Variants in GALNT17 observed in about 807,000 individuals in gnomAD.
GALNT17 encodes polypeptide N-acetylgalactosaminyltransferase 17, also known as UDP-GalNAc:polypeptide N-acetylgalactosaminyltransferase-like 3.
A neutral mutation model predicts 63.7 loss-of-function variants in GALNT17; 29 were observed. The ratio of observed to expected loss-of-function variants is 0.46; its 90% confidence interval spans 0.34 to 0.62. The LOEUF (loss-of-function observed/expected upper bound fraction) is 0.62. Ranked by LOEUF, GALNT17 falls within the 20% of genes least tolerant of loss-of-function variation. The probability of loss-of-function intolerance (pLI) is 0.01; values close to 1 mark genes in which losing one functional copy is unlikely to be tolerated. For synonymous variants in GALNT17, 305 were observed against 318.3 expected (o/e 0.96, Z 0.45); for missense variants, 603 against 799.6 (o/e 0.75, Z 2.97).
chr7:71,518,591 C>T (rs1158199976), intron 5 of GALNT17, among the ~76,000 whole-genome samples: 1 of 152,176 alleles, frequency 6.6e-6, no homozygotes, highest in Non-Finnish European at 1.5e-5. Flanking sequence ...AGAATATCTC[C>T]TCACTTAGTG....
intron 1 of GALNT17, among the ~76,000 whole-genome samples, chr7:71,211,121 A>G (rs2116392172): frequency 6.6e-6 from 1 of 152,250 alleles, no homozygotes; most frequent in South Asian, 2.1e-4. Flanking sequence ...AGTTCTCTTT[A>G]CCTTGGTGAT....
At chr7:71,348,034 G>A (rs1792125680) in intron 2 of GALNT17, among the ~76,000 whole-genome samples, 1 of 152,148 alleles carries the variant, frequency 6.6e-6, no homozygotes, top group African/African-American at 2.4e-5. Context: ...GCCGAGGTGG[G>A]TGGATCTCTT....
intron 5 of GALNT17, among the ~76,000 whole-genome samples, chr7:71,559,793 G>A (rs1434711122): frequency 2.0e-5 from 3 of 152,042 alleles, no homozygotes; most frequent in East Asian, 3.9e-4. Context: ...CCGGGAGATC[G>A]AGGCTGCAGT....
chr7:71,571,156 G>T (rs1459448819), intron 5 of GALNT17, 129 bp from the exon 6 acceptor site: 1 of 694,090 alleles, frequency 1.4e-6, no homozygotes, highest in African/African-American at 1.8e-5. Flanking sequence ...TGCTAGGCTG[G>T]AACCCAGTAC....
chr7:71,658,311 A>C (rs1420381862), intron 6 of GALNT17, among the ~76,000 whole-genome samples: 4 of 152,202 alleles, frequency 2.6e-5, no homozygotes, highest in Non-Finnish European at 5.9e-5. Flanking sequence ...AAAATGATGA[A>C]AATCAATCCC....
chr7:71,174,113 G>A (rs1788593573), intron 1 of GALNT17, among the ~76,000 whole-genome samples: 1 of 152,172 alleles, frequency 6.6e-6, no homozygotes, highest in East Asian at 1.9e-4. Flanking sequence ...AGCCCTTGAG[G>A]GGCTCATAGA....
At chr7:71,410,803 A>G (rs1056168218) in intron 3 of GALNT17, among the ~76,000 whole-genome samples, 1 of 151,876 alleles carries the variant, frequency 6.6e-6, no homozygotes, top group Non-Finnish European at 1.5e-5. Flanking sequence ...AGGTATGCAT[A>G]CCTCCCTCTC....
chr7:71,421,274 T>A (rs1030487275), intron 5 of GALNT17, among the ~76,000 whole-genome samples, 169 bp downstream of exon 5: 11 of 152,226 alleles, frequency 7.2e-5, no homozygotes, highest in African/African-American at 2.4e-4. Context: ...AGAGGGAGGA[T>A]GTTGCATTTT....
intron 1 of GALNT17, among the ~76,000 whole-genome samples, chr7:71,324,202 G>A (rs1791663901): frequency 6.6e-6 from 1 of 152,178 alleles, no homozygotes; most frequent in African/African-American, 2.4e-5. Context: ...TGAATTTCAA[G>A]CAAGCAGTGT....
intron 1 of GALNT17, among the ~76,000 whole-genome samples, chr7:71,319,441 G>T (rs548785236): frequency 1.3e-5 from 2 of 152,024 alleles, no homozygotes; most frequent in Non-Finnish European, 2.9e-5. Context: ...CAGTTGGTGT[G>T]TCCAGGGCTC....
At chr7:71,480,715 C>A (rs536293181) in intron 5 of GALNT17, among the ~76,000 whole-genome samples, 2 of 152,162 alleles carry the variant, frequency 1.3e-5, no homozygotes, top group South Asian at 2.1e-4. Flanking sequence ...ACATGTTGGC[C>A]GGGCTGGTCT....
chr7:71,641,253 A>G (rs1489237072), intron 6 of GALNT17, among the ~76,000 whole-genome samples: 2 of 152,158 alleles, frequency 1.3e-5, no homozygotes, highest in African/African-American at 4.8e-5. Context: ...AACAGAGGTT[A>G]AGCAGACCCA....
chr7:71,641,848 C>G (rs1157639077), intron 6 of GALNT17, among the ~76,000 whole-genome samples: 1 of 152,182 alleles, frequency 6.6e-6, no homozygotes, highest in Admixed American at 6.5e-5. Flanking sequence ...GGTGAGGATG[C>G]TGCTGCTGCT....
At chr7:71,662,332 A>ATCTGTCTGTCTGTCTG in intron 6 of GALNT17, among the ~76,000 whole-genome samples, 1 of 151,230 alleles carries the variant, frequency 6.6e-6, no homozygotes, top group East Asian at 2.0e-4. Context: ...CTATCTATCT[A>ATCTGTCTGTCTGTCTG]TCTGTCTGTC....
At chr7:71,412,494 C>T (rs569633618) in intron 3 of GALNT17, among the ~76,000 whole-genome samples, 45 of 152,242 alleles carry the variant, frequency 3.0e-4, no homozygotes, top group African/African-American at 1.0e-3. Flanking sequence ...GCCTCAGCCC[C>T]GCTGAGAGGC....
chr7:71,293,908 C>T (rs1791028734), intron 1 of GALNT17, among the ~76,000 whole-genome samples: 1 of 152,036 alleles, frequency 6.6e-6, no homozygotes, highest in South Asian at 2.1e-4. Context: ...GCCTGTAATC[C>T]CAGCACTTTG....
chr7:71,557,786 T>G (rs1299340691), intron 5 of GALNT17, among the ~76,000 whole-genome samples: 7 of 141,518 alleles, frequency 4.9e-5, no homozygotes, highest in Non-Finnish European at 1.1e-4. Flanking sequence ...ATGAAACTCT[T>G]AAATACCCGG....
At chr7:71,229,205 A>C (rs537773467) in intron 1 of GALNT17, among the ~76,000 whole-genome samples, 31 of 152,324 alleles carry the variant, frequency 2.0e-4, no homozygotes, top group African/African-American at 7.5e-4. Context: ...AGAATCGTGA[A>C]GGATGTGGCC....
At chr7:71,437,353 A>G (rs780565311) in intron 5 of GALNT17, among the ~76,000 whole-genome samples, 3 of 152,154 alleles carry the variant, frequency 2.0e-5, no homozygotes, top group Non-Finnish European at 4.4e-5. Flanking sequence ...TTCTCCCACC[A>G]TCCTGACTGA....
Sources: gnomAD v4.1 joint callset for allele counts (sites outside exome capture counted in the v4.1 genomes callset) on GRCh38, gnomAD v4.1.1 for gene constraint, MANE v1.5 for transcripts, NCBI Gene and HGNC (gene_info 2026-07-23, HGNC 2026-07-21) for gene names.